PCDHGA10: variants seen among roughly 807,000 people sequenced by gnomAD.
PCDHGA10 encodes the protein protocadherin gamma subfamily A, 10, also known as protocadherin gamma-A10.
Under a neutral mutation model 59.5 loss-of-function variants are expected in PCDHGA10, and 42 were observed. That is an observed-to-expected ratio of 0.71 (90% CI 0.55 to 0.91). The LOEUF (loss-of-function observed/expected upper bound fraction) is 0.91, where lower values mean the gene tolerates loss of function less well. Ranked by LOEUF, PCDHGA10 falls within the 40% of genes least tolerant of loss-of-function variation. The pLI is 0.00. For synonymous variants in PCDHGA10, 511 were observed against 517.2 expected (o/e 0.99, Z 0.16); for missense variants, 1,111 against 1,198.2 (o/e 0.93, Z 1.07).
Position 141,485,190 on chromosome 5 carries a change from G to C in PCDHGA10, c.2437-9617G>C. 6.2e-7 allele frequency: 1 copy of C among 1,613,920 alleles called. No individual in the cohort carries two copies. Among genetic ancestry groups the C allele is most frequent in the Non-Finnish European group, 8.5e-7 (1 of 1,179,788 alleles). Reference sequence around the variant, plus strand: ...GCGGCAGCAATGCTCCGCAAGGTGAGAAGCTGGACAGAAATCTGGCGGTGG... The same window carrying C: ...GCGGCAGCAATGCTCCGCAAGGTGACAAGCTGGACAGAAATCTGGCGGTGG... On this transcript the variant is annotated intron_variant, in intron 1 of 3. Coordinates refer to ENST00000398610, the MANE Select transcript of PCDHGA10 (RefSeq NM_018913.3). This position sits in a 1 kb window ranked among gnomAD's most constrained non-coding sequence, Gnocchi z 5.7.
intron 2 of PCDHGA10, 114 bp from the exon 3 acceptor site, chr5:141,505,279 C>A (rs780513022): frequency 1.3e-6 from 2 of 1,541,274 alleles, no homozygotes; most frequent in Non-Finnish European, 1.7e-6. Flanking sequence ...AGAAACAGGT[C>A]TTGGGCATGG....
chr5:141,423,405 G>T (rs1444037259), intron 1 of PCDHGA10: 1 of 1,614,154 alleles, frequency 6.2e-7, no homozygotes, highest in African/African-American at 1.3e-5. Context: ...CACGCCTGCT[G>T]CAGGCTTCTG....
Position 141,485,784 on chromosome 5 carries a change from A to G in PCDHGA10, c.2437-9023A>G, listed in dbSNP as rs760859851. The G allele has an allele frequency of 1.9e-6, 3 of 1,614,096 alleles. No individual in the cohort carries two copies. The African/African-American group carries it at 4.0e-5, about 22-fold the overall frequency. On this transcript the variant is annotated intron_variant, in intron 1 of 3. Transcript: ENST00000398610. This position sits in a 1 kb window ranked among gnomAD's most constrained non-coding sequence, Gnocchi z 5.7. Reference sequence around the variant, plus strand: ...CTGGAGAAGCCTTTGGATCGAGAGAAGCAATCGGACTACCGCCTGGTGCTG... The same window carrying G: ...CTGGAGAAGCCTTTGGATCGAGAGAGGCAATCGGACTACCGCCTGGTGCTG...
At chr5:141,465,323 G>A (rs757662972) in intron 1 of PCDHGA10, among the ~76,000 whole-genome samples, 1 of 152,138 alleles carries the variant, frequency 6.6e-6, no homozygotes, top group Non-Finnish European at 1.5e-5. Flanking sequence ...TGTCAATGCA[G>A]TATTTTTTAT....
In PCDHGA10 at chr5:141,476,908, A is replaced by G. The variant is rs754076231; in HGVS notation, c.2437-17899A>G. 6.2e-7 allele frequency: 1 copy of G among 1,614,050 alleles called. No individual in the cohort carries two copies. The highest frequency in any genetic ancestry group is 8.5e-7 in the Non-Finnish European group (1 of 1,180,038). On this transcript the variant is annotated intron_variant, in intron 1 of 3. Coordinates refer to ENST00000398610, the MANE Select transcript of PCDHGA10 (RefSeq NM_018913.3). This position sits in a 1 kb window ranked among gnomAD's most constrained non-coding sequence, Gnocchi z 7.6. ...ATGCACCCTCCGGCACGCGCGTGGT[A>G]CAAGTCCTTGCAACGGATCTGGATG...
chr5:141,485,689 G>A lies in PCDHGA10; in HGVS notation c.2437-9118G>A. On this transcript the variant is annotated intron_variant, in intron 1 of 3. Transcript: ENST00000398610. This position sits in a 1 kb window ranked among gnomAD's most constrained non-coding sequence, Gnocchi z 5.7. ...GCAATTCGATTAGCAGCTATAGGCT[G>A]AGCTCCAATGAACACTTTGCACTGG... The A allele has an allele frequency of 6.2e-7, 1 of 1,614,086 alleles. No individual in the cohort carries two copies. The highest frequency in any genetic ancestry group is 8.5e-7 in the Non-Finnish European group (1 of 1,179,970).
In PCDHGA10 at chr5:141,511,421, G is replaced by A. The variant is rs1289887363; in HGVS notation, c.*248G>A. 19 of 829,148 alleles carry A rather than the reference G, an allele frequency of 2.3e-5. No individual in the cohort carries two copies. The highest frequency in any genetic ancestry group is 3.8e-4 in the Middle Eastern group (1 of 2,640). 51.4% of individuals were successfully genotyped at this position (829,148 alleles called of 1,614,324 possible). On this transcript the variant is annotated 3_prime_UTR_variant, in exon 4 of 4. Coordinates refer to ENST00000398610, the MANE Select transcript of PCDHGA10 (RefSeq NM_018913.3). The stretch of plus-strand genomic sequence containing the variant: ...CCAATCAACTGCTGTACCCATGGGG[G>A]TAGTGGGGTTACTGTAGACACCAAG...
At chr5:141,499,244 CAA>C (rs1191956146) in intron 2 of PCDHGA10, among the ~76,000 whole-genome samples, 1 of 152,090 alleles carries the variant, frequency 6.6e-6, no homozygotes, top group Non-Finnish European at 1.5e-5. Flanking sequence ...AGCCTCTGCA[CAA>C]AGAGTCTCCA....
chr5:141,415,758 T>TG, intron 1 of PCDHGA10, 147 bp downstream of exon 1: 1 of 1,381,742 alleles, frequency 7.2e-7, no homozygotes, highest in South Asian at 1.7e-5. Context: ...TTTTTTTTTT[T>TG]TTTTTTTTTT....
In PCDHGA10 at chr5:141,485,062, C is replaced by T. The variant is rs2099606141; in HGVS notation, c.2437-9745C>T. 2.3e-6 allele frequency: 2 copies of T among 876,222 alleles called. No individual in the cohort carries two copies. Among genetic ancestry groups the T allele is most frequent in the Non-Finnish European group, 3.6e-6 (2 of 552,684 alleles). 54.3% of individuals were successfully genotyped at this position (876,222 alleles called of 1,614,324 possible). ...CCTTGCGGCGCCGGCCGAACCGCGCCAGAGCTGGCGCGGGGAAAGGGAGAT... is the reference window on the plus strand; with the variant it reads ...CCTTGCGGCGCCGGCCGAACCGCGCTAGAGCTGGCGCGGGGAAAGGGAGAT... On this transcript the variant is annotated intron_variant, in intron 1 of 3. Coordinates refer to ENST00000398610, the MANE Select transcript of PCDHGA10 (RefSeq NM_018913.3). The surrounding 1 kb of genome is among the most constrained non-coding windows in gnomAD (Gnocchi z 5.7).
Position 141,486,320 on chromosome 5 carries a change from G to A in PCDHGA10, c.2437-8487G>A, listed in dbSNP as rs764851576. The stretch of plus-strand genomic sequence containing the variant: ...GCAGGATCCAGACTCAGGGTCAAAC[G>A]GAGATGTGAGCCTCCGCATTCCTGA... On this transcript the variant is annotated intron_variant, in intron 1 of 3. Coordinates refer to ENST00000398610, the MANE Select transcript of PCDHGA10 (RefSeq NM_018913.3). This position sits in a 1 kb window ranked among gnomAD's most constrained non-coding sequence, Gnocchi z 5.0. The A allele has an allele frequency of 6.2e-7, 1 of 1,614,010 alleles. No individual in the cohort carries two copies. Among genetic ancestry groups the A allele is most frequent in the South Asian group, 1.1e-5 (1 of 91,060 alleles).
intron 1 of PCDHGA10, among the ~76,000 whole-genome samples, chr5:141,450,315 G>A (rs1319432573): frequency 1.3e-5 from 2 of 151,918 alleles, no homozygotes; most frequent in African/African-American, 4.8e-5. Context: ...GTGTGGCCTA[G>A]TTGCCATGTC....
At chr5:141,447,647 T>C (rs1338920727) in intron 1 of PCDHGA10, among the ~76,000 whole-genome samples, 1 of 152,092 alleles carries the variant, frequency 6.6e-6, no homozygotes, top group African/African-American at 2.4e-5. Flanking sequence ...GATGGTAGAA[T>C]TTTCCCCCCC....
At chr5:141,474,087 A>C (rs1483673747) in intron 1 of PCDHGA10, among the ~76,000 whole-genome samples, 4 of 152,198 alleles carry the variant, frequency 2.6e-5, no homozygotes, top group South Asian at 2.1e-4. Context: ...AAAACCAAAA[A>C]ACAAACAACA....
intron 1 of PCDHGA10, 128 bp downstream of exon 1, chr5:141,415,739 G>GTTTTT (rs1561759437): frequency 2.3e-6 from 1 of 434,538 alleles, no homozygotes; most frequent in African/African-American, 3.3e-5. Flanking sequence ...TGTTTATTAA[G>GTTTTT]GTTTTTTTTT....
At chr5:141,452,193 G>A (rs764434048) in intron 1 of PCDHGA10, among the ~76,000 whole-genome samples, 3 of 151,990 alleles carry the variant, frequency 2.0e-5, no homozygotes, top group Admixed American at 6.6e-5. Context: ...ACCTCAAATT[G>A]TTTTAGATGT....
In PCDHGA10 at chr5:141,488,647, T is replaced by TG. The variant is rs535492979; in HGVS notation, c.2437-6155dup. ...CTCACCTTAGCAGCATTCAGCAGGA[T>TG]GGGGGAGGGTGGGGGAATACATGGG... On this transcript the variant is annotated intron_variant, in intron 1 of 3. Transcript: ENST00000398610. Among the ~76,000 whole-genome samples, 173 of 152,088 alleles carry TG rather than the reference T, an allele frequency of 1.1e-3. 1 individual carries two copies. Among genetic ancestry groups the TG allele is most frequent in the African/African-American group, 3.9e-3 (160 of 41,492 alleles).
intron 1 of PCDHGA10, among the ~76,000 whole-genome samples, chr5:141,439,398 T>C (rs2098110369): frequency 6.6e-6 from 1 of 152,212 alleles, no homozygotes; most frequent in Admixed American, 6.5e-5. Context: ...TTCGACTTCA[T>C]GTGCTAACAT....
intron 1 of PCDHGA10, among the ~76,000 whole-genome samples, chr5:141,456,483 CTTAATA>C (rs2098861684): frequency 1.3e-5 from 2 of 152,072 alleles, no homozygotes; most frequent in African/African-American, 4.8e-5. Context: ...CAAGAGAGTG[CTTAATA>C]AAGGGGTTAA....
Sources: allele counts gnomAD v4.1 joint callset (sites outside exome capture counted in the v4.1 genomes callset), GRCh38; gene constraint gnomAD v4.1.1; non-coding constraint Gnocchi (gnomAD v3.1); transcripts MANE v1.5; gene names NCBI Gene and HGNC (gene_info 2026-07-23, HGNC 2026-07-21).